The following RPLP2 variants were observed in gnomAD, a reference collection of about 807,000 sequenced individuals.
RPLP2 encodes the protein ribosomal protein lateral stalk subunit P2, also known as large ribosomal subunit protein P2.
In RPLP2, 1 loss-of-function variant was observed where a neutral mutation model predicts 11.5. The observed-to-expected ratio is 0.09, with a 90% CI of 0.03 to 0.41. The LOEUF is 0.41. Among genes scored for constraint, RPLP2 ranks in the 10% least tolerant of loss-of-function variants. The pLI, the probability that RPLP2 is intolerant of heterozygous loss-of-function variation, is 0.98. For synonymous variants in RPLP2, 82 were observed against 55.9 expected (o/e 1.47, Z -2.08); for missense variants, 177 against 145.6 (o/e 1.22, Z -1.11).
At chr11:810,491 T>C in intron 2 of RPLP2, 134 bp downstream of exon 2, 1 of 888,054 alleles carries the variant, frequency 1.1e-6, no homozygotes, top group South Asian at 1.9e-5. Flanking sequence ...ATTTCTTGGA[T>C]AGAGAAGTAA....
chr11:811,791 C>G (rs368479543), intron 3 of RPLP2, 146 bp downstream of exon 3: 4 of 973,274 alleles, frequency 4.1e-6, no homozygotes, highest in Non-Finnish European at 5.0e-6. Flanking sequence ...AGTGGGCTCA[C>G]GTCATGGGCA....
Position 811,633 on chromosome 11 carries a change from G to T in RPLP2, c.160G>T (p.Val54Phe), listed in dbSNP as rs775939404. 7 of 1,614,226 alleles carry T rather than the reference G, an allele frequency of 4.3e-6. No individual in the cohort carries two copies. The South Asian group carries it at 7.7e-5, about 18-fold the overall frequency. ...SELNGKNIED[V>F]IAQGIGKLAS... ...GCTGAATGGAAAAAACATTGAAGACGTCATTGCCCAGGGTGAGTTGATGTG... is the reference window on the plus strand; with the variant it reads ...GCTGAATGGAAAAAACATTGAAGACTTCATTGCCCAGGGTGAGTTGATGTG... The change falls in exon 3 of 5, where the codon GTC (valine) becomes TTC (phenylalanine). Residue 54 changes from valine to phenylalanine, a missense_variant. By Grantham distance (50) the Val-to-Phe change is conservative. Transcript: ENST00000321153.
chr11:811,472 C>T, intron 2 of RPLP2, 125 bp from the exon 3 acceptor site: 1 of 1,097,312 alleles, frequency 9.1e-7, no homozygotes, highest in Non-Finnish European at 1.4e-6. Context: ...TTGGGCAGTG[C>T]AGTTCTGGAA....
At chr11:812,009 G>A (rs978726589) in intron 3 of RPLP2, 4 of 445,192 alleles carry the variant, frequency 9.0e-6, no homozygotes, top group South Asian at 2.0e-5. Flanking sequence ...AGGGACTGAG[G>A]GTGCCAGGGA....
At chr11:811,489 G>A in intron 2 of RPLP2, 108 bp from the exon 3 acceptor site, 1 of 1,354,706 alleles carries the variant, frequency 7.4e-7, no homozygotes, top group Non-Finnish European at 1.0e-6. Context: ...GGAAACTTCA[G>A]GGCCTATTCC....
intron 2 of RPLP2, among the ~76,000 whole-genome samples, chr11:810,998 C>G (rs1025138197): frequency 7.3e-6 from 1 of 136,178 alleles, no homozygotes; most frequent in African/African-American, 2.8e-5. Context: ...TTGCAAGACC[C>G]GGTCTCCACA....
intron 3 of RPLP2, chr11:812,181 A>G (rs1866086095): frequency 7.4e-6 from 3 of 403,170 alleles, no homozygotes; most frequent in South Asian, 6.7e-5. Context: ...CAAGCCATGA[A>G]CACAGCGTTG....
chr11:811,633 G>C lies in RPLP2; in HGVS notation c.160G>C (p.Val54Leu). The C allele has an allele frequency of 6.2e-7, 1 of 1,614,226 alleles. No individual in the cohort carries two copies. The highest frequency in any genetic ancestry group is 8.5e-7 in the Non-Finnish European group (1 of 1,180,030). Residue 54 changes from valine (V) to leucine (L), a missense_variant, in exon 3 of 5, where the codon GTC (valine) becomes CTC (leucine). Transcript: ENST00000321153. ...GCTGAATGGAAAAAACATTGAAGAC[G>C]TCATTGCCCAGGGTGAGTTGATGTG... ...SELNGKNIED[V>L]IAQGIGKLAS...
rs549952753 is a variant in RPLP2, at chr11:812,517, C to T, written c.173-18C>T. The stretch of plus-strand genomic sequence containing the variant: ...AGGCTGGGCAGCTGCTCTGGTCTCA[C>T]CTCTCTGCTTTCTGTAGGTATTGGC... On this transcript the variant is annotated intron_variant, in intron 3 of 4. Coordinates refer to ENST00000321153, the MANE Select transcript of RPLP2 (RefSeq NM_001004.4). The T allele has an allele frequency of 1.2e-6, 2 of 1,608,212 alleles. No homozygotes were observed. Among genetic ancestry groups the T allele is most frequent in the Admixed American group, 1.7e-5 (1 of 60,000 alleles).
At chr11:812,091 G>C in intron 3 of RPLP2, 2 of 377,490 alleles carry the variant, frequency 5.3e-6, no homozygotes, top group Non-Finnish European at 1.0e-5. Flanking sequence ...GGTGGAACTT[G>C]TTTGGAAGTT....
At chr11:812,043 T>A (rs976392338) in intron 3 of RPLP2, 1 of 395,022 alleles carries the variant, frequency 2.5e-6, no homozygotes, top group Non-Finnish European at 4.8e-6. Flanking sequence ...CTTGCCTCTT[T>A]GTTGGGCAGA....
rs758550669 is a variant in RPLP2, at chr11:812,766, A to G, written c.278A>G (p.Glu93Gly). The change falls in exon 5 of 5, where the codon GAG becomes GGG. Residue 93 changes from glutamate to glycine, a missense_variant. Glu to Gly is a moderately conservative substitution (Grantham distance 98). Coordinates refer to ENST00000321153, the MANE Select transcript of RPLP2 (RefSeq NM_001004.4). ...AAGSAPAAAEEKKDEKKEESE... is the reference protein window; with the variant it reads ...AAGSAPAAAEGKKDEKKEESE... ...CCTCTCCTCTGTTCCACAGCAGAGG[A>G]GAAGAAAGATGAGAAGAAGGAGGAG... is the stretch of plus-strand genomic sequence containing the variant. 1.2e-6 allele frequency: 2 copies of G among 1,613,844 alleles called. No individual in the cohort carries two copies. Among genetic ancestry groups the G allele is most frequent in the South Asian group, 2.2e-5 (2 of 91,070 alleles).
intron 1 of RPLP2, 94 bp from the exon 2 acceptor site, chr11:810,140 C>T: frequency 1.5e-6 from 2 of 1,359,308 alleles, no homozygotes; most frequent in Non-Finnish European, 1.9e-6. Flanking sequence ...GCCTACGGGC[C>T]GAGCCACGCG....
intron 2 of RPLP2, 198 bp from the exon 3 acceptor site, chr11:811,399 G>C (rs950019413): frequency 3.2e-6 from 2 of 620,942 alleles, no homozygotes; most frequent in Non-Finnish European, 2.9e-6. Context: ...TCAGTCCTAA[G>C]TCTAAGAAAG....
chr11:812,483 C>T (rs1419568401), intron 3 of RPLP2, 52 bp from the exon 4 acceptor site: 1 of 1,597,740 alleles, frequency 6.3e-7, no homozygotes, highest in East Asian at 2.2e-5. Flanking sequence ...CCCTGTGGAA[C>T]AGCCTCCCAG....
intron 2 of RPLP2, 154 bp downstream of exon 2, chr11:810,511 A>G: frequency 1.4e-6 from 1 of 712,118 alleles, no homozygotes; most frequent in Non-Finnish European, 2.2e-6. Flanking sequence ...AGCCGGGCGG[A>G]GGTCGGGCGC....
chr11:811,556 T>C (rs1490095202), intron 2 of RPLP2, 41 bp from the exon 3 acceptor site: 2 of 1,613,618 alleles, frequency 1.2e-6, no homozygotes, highest in South Asian at 1.1e-5. Context: ...GGGGATACAA[T>C]CGTACATTCC....
chr11:811,609 C>T lies in RPLP2; in HGVS notation c.136C>T (p.Leu46=), dbSNP rs1176182039. ...DDRLNKVISE[L]NGKNIEDVIA... is the part of the protein sequence containing the mutation. ...TTGTCTGCTTCAGGTTATCAGTGAG[C>T]TGAATGGAAAAAACATTGAAGACGT... The change falls in exon 3 of 5, where the codon CTG becomes TTG. Residue 46 remains leucine (L), a synonymous_variant. Coordinates refer to ENST00000321153, the MANE Select transcript of RPLP2 (RefSeq NM_001004.4). The T allele has an allele frequency of 2.5e-6, 4 of 1,614,168 alleles. No homozygotes were observed. Among genetic ancestry groups the T allele is most frequent in the South Asian group, 1.1e-5 (1 of 91,088 alleles).
chr11:812,602 A>G lies in RPLP2; in HGVS notation c.240A>G (p.Ala80=). The G allele has an allele frequency of 1.2e-6, 2 of 1,609,692 alleles. No homozygotes were observed. The highest frequency in any genetic ancestry group is 1.7e-6 in the Non-Finnish European group (2 of 1,179,830). The stretch of plus-strand genomic sequence containing the variant: ...CCGTCTCTGCTGCCCCAGGCTCTGC[A>G]GCCCCTGCTGCTGGTTCTGCCCCTG... The part of the protein sequence containing the change: ...AVAVSAAPGS[A]APAAGSAPAA... Residue 80 remains alanine (A), a synonymous_variant, in exon 4 of 5, where the codon GCA becomes GCG. Coordinates refer to ENST00000321153, the MANE Select transcript of RPLP2 (RefSeq NM_001004.4).
Sources: gnomAD v4.1 joint callset for allele counts (sites outside exome capture counted in the v4.1 genomes callset) on GRCh38, gnomAD v4.1.1 for gene constraint, MANE v1.5 for transcripts, NCBI Gene and HGNC (gene_info 2026-07-23, HGNC 2026-07-21) for gene names.